Variants in DAB1 observed in about 807,000 individuals in gnomAD.
DAB1 encodes disabled homolog 1.
Under a neutral mutation model 64.6 loss-of-function variants are expected in DAB1, and 15 were observed. That is an observed-to-expected ratio of 0.23 (90% CI 0.16 to 0.36). DAB1 has a LOEUF of 0.36. DAB1 is among the 10% of genes least tolerant of loss of function. DAB1 has a pLI of 1.00. For missense variants in DAB1, 596 were observed against 706.7 expected, an observed-to-expected ratio of 0.84 and a Z score of 1.78; for synonymous variants, 235 against 251.9, an observed-to-expected ratio of 0.93 and a Z score of 0.64.
At chr1:58,101,402 T>C (rs778852035) in intron 5 of DAB1, among the ~76,000 whole-genome samples, 7 of 152,154 alleles carry the variant, frequency 4.6e-5, no homozygotes, top group Non-Finnish European at 1.0e-4. Context: ...TCAGTAATCG[T>C]ATGGGACAAG....
chr1:57,949,010 C>G (rs1645225682), intron 5 of DAB1, among the ~76,000 whole-genome samples: 1 of 152,188 alleles, frequency 6.6e-6, no homozygotes, highest in Non-Finnish European at 1.5e-5. Context: ...CACTCACCAG[C>G]AATCTACCAT....
At chr1:57,882,203 C>A (rs1644155209) in intron 1 of DAB1, among the ~76,000 whole-genome samples, 1 of 152,186 alleles carries the variant, frequency 6.6e-6, no homozygotes, top group African/African-American at 2.4e-5. Context: ...TTTAAAACCT[C>A]TCTCCTTTAG....
At chr1:57,070,950 T>A in intron 7 of DAB1, 73 bp downstream of exon 7, 1 of 1,334,076 alleles carries the variant, frequency 7.5e-7, no homozygotes, top group Non-Finnish European at 1.1e-6. Flanking sequence ...ATTCTTCAGG[T>A]TTCTGACAAA....
At chr1:57,201,253 G>A (rs572420416) in intron 2 of DAB1, among the ~76,000 whole-genome samples, 9 of 151,354 alleles carry the variant, frequency 5.9e-5, no homozygotes, top group East Asian at 1.9e-4. Flanking sequence ...TCATTCATTG[G>A]TATAACAGAA....
At chr1:57,107,047 A>G (rs552417) in intron 4 of DAB1, among the ~76,000 whole-genome samples, 122,280 of 151,934 alleles carry the variant, frequency 0.8, 49,392 homozygotes, top group East Asian at 0.98. Context: ...TGATGAAGGC[A>G]TAGTACGTAA....
chr1:57,695,129 C>T (rs12030898), intron 6 of DAB1, among the ~76,000 whole-genome samples: 18,610 of 151,166 alleles, frequency 0.12, 1,786 homozygotes, highest in East Asian at 0.52. Flanking sequence ...GATGCTGAGA[C>T]GGGAGGATGG....
chr1:57,908,972 T>TAAA (rs34848109), intron 5 of DAB1, among the ~76,000 whole-genome samples: 19 of 151,534 alleles, frequency 1.3e-4, no homozygotes, highest in African/African-American at 4.1e-4. Flanking sequence ...TATTTTCCTT[T>TAAA]AAAAAAAAAT....
chr1:58,177,189 A>G (rs986793974), intron 4 of DAB1, among the ~76,000 whole-genome samples: 1 of 152,166 alleles, frequency 6.6e-6, no homozygotes, highest in Non-Finnish European at 1.5e-5. Flanking sequence ...CTAGAACTCA[A>G]CCTAAAGTCC....
At chr1:57,057,101 G>C (rs540745940) in intron 9 of DAB1, among the ~76,000 whole-genome samples, 2 of 152,128 alleles carry the variant, frequency 1.3e-5, no homozygotes, top group African/African-American at 4.8e-5. Flanking sequence ...AAAGATTCAA[G>C]GGATGAGGGT....
intron 7 of DAB1, among the ~76,000 whole-genome samples, chr1:57,565,112 C>A (rs959197086): frequency 2.6e-5 from 4 of 152,128 alleles, no homozygotes; most frequent in Non-Finnish European, 4.4e-5. Context: ...GAGTGGGGAC[C>A]AATATTCAAC....
intron 5 of DAB1, among the ~76,000 whole-genome samples, chr1:58,132,181 T>A (rs941484362): frequency 2.0e-5 from 3 of 152,090 alleles, no homozygotes; most frequent in African/African-American, 7.2e-5. Flanking sequence ...TTTAAGCCCG[T>A]CGGAAAAGCG....
intron 2 of DAB1, among the ~76,000 whole-genome samples, chr1:57,282,215 G>T (rs1403387995): frequency 3.3e-5 from 1 of 30,414 alleles, no homozygotes; most frequent in Non-Finnish European, 6.7e-5. Context: ...AAAAAAAACA[G>T]GTGACTGAGT....
At chr1:58,290,446 C>T (rs1423276001) in intron 4 of DAB1, among the ~76,000 whole-genome samples, 1 of 151,966 alleles carries the variant, frequency 6.6e-6, no homozygotes, top group African/African-American at 2.4e-5. Context: ...TATTAAAGCA[C>T]AACATGTCAG....
chr1:57,194,890 TC>T (rs762194898), intron 2 of DAB1, among the ~76,000 whole-genome samples: 1 of 152,154 alleles, frequency 6.6e-6, no homozygotes, highest in Non-Finnish European at 1.5e-5. Context: ...CAACACAGCA[TC>T]CTGAGGCTTT....
chr1:57,578,652 T>C (rs1195462011), intron 7 of DAB1, among the ~76,000 whole-genome samples: 1 of 152,222 alleles, frequency 6.6e-6, no homozygotes, highest in Non-Finnish European at 1.5e-5. Flanking sequence ...TACGATTCCA[T>C]AAGTAAATTC....
chr1:57,407,017 T>A (rs1457801176), intron 1 of DAB1, among the ~76,000 whole-genome samples: 3 of 152,234 alleles, frequency 2.0e-5, no homozygotes, highest in Admixed American at 6.5e-5. Flanking sequence ...AAGTTATGGA[T>A]TAATAAACTT....
chr1:58,074,573 T>C (rs1210640258), intron 5 of DAB1: 3 of 127,682 alleles, frequency 2.3e-5, no homozygotes, highest in Admixed American at 8.1e-5. Context: ...TGTATATATA[T>C]ATATATATAT....
intron 5 of DAB1, among the ~76,000 whole-genome samples, chr1:57,946,186 A>G (rs1306247939): frequency 6.6e-6 from 1 of 152,208 alleles, no homozygotes; most frequent in East Asian, 1.9e-4. Context: ...TCCTTGAGGC[A>G]TTCAGTATTC....
chr1:58,533,226 T>A (rs2100479939), intron 1 of DAB1, among the ~76,000 whole-genome samples: 1 of 152,334 alleles, frequency 6.6e-6, no homozygotes, highest in South Asian at 2.1e-4. Context: ...AATTCTATGA[T>A]CTATAAGAAA....
Sources: allele counts gnomAD v4.1 joint callset (sites outside exome capture counted in the v4.1 genomes callset), GRCh38; gene constraint gnomAD v4.1.1; transcripts MANE v1.5; gene names NCBI Gene and HGNC (gene_info 2026-07-23, HGNC 2026-07-21).